Variants in TBL2 observed in about 807,000 individuals in gnomAD.
TBL2 encodes transducin beta like 2.
A neutral mutation model predicts 41.8 loss-of-function variants in TBL2; 33 were observed. That is an observed-to-expected ratio of 0.79 (90% confidence interval 0.60 to 1.06). The LOEUF (loss-of-function observed/expected upper bound fraction) is 1.06. Among genes scored for constraint, TBL2 ranks in the 50% least tolerant of loss-of-function variants. The probability of loss-of-function intolerance (pLI) is 0.00; values close to 1 mark genes in which losing one functional copy is unlikely to be tolerated. For missense variants in TBL2, 522 were observed against 603.8 expected (o/e 0.86, Z 1.42); for synonymous variants, 239 against 241.7 (o/e 0.99, Z 0.10).
At chr7:73,573,711 C>T (rs1216085449) in intron 3 of TBL2, 1 of 751,260 alleles carries the variant, frequency 1.3e-6, no homozygotes, top group African/African-American at 1.8e-5. Flanking sequence ...GAAGCCAGGC[C>T]AAGGTATTTC....
intron 1 of TBL2, among the ~76,000 whole-genome samples, chr7:73,576,190 A>G (rs1264022729): frequency 2.3e-5 from 3 of 129,000 alleles, no homozygotes; most frequent in African/African-American, 8.9e-5. Flanking sequence ...TGGGAGGCTG[A>G]GGCAGCTGCT....
chr7:73,575,771 C>T (rs1450102034), intron 1 of TBL2, among the ~76,000 whole-genome samples: 7 of 152,104 alleles, frequency 4.6e-5, no homozygotes, highest in South Asian at 2.1e-4. Flanking sequence ...GAACTGGGGG[C>T]GGTGGCTCAT....
intron 4 of TBL2, 159 bp downstream of exon 4, chr7:73,573,161 G>A: frequency 7.4e-7 from 1 of 1,352,338 alleles, no homozygotes; most frequent in Non-Finnish European, 1.0e-6. Context: ...TGTGGCCCAG[G>A]GACTCCAGGG....
At position 73,574,744 on chromosome 7, in the gene TBL2, GGCTGCAGTAA is replaced by G. The variant is rs1486762134; in HGVS notation, c.131-241_131-232del. 13 of 610,108 alleles carry G rather than the reference GGCTGCAGTAA, an allele frequency of 2.1e-5. No homozygotes were observed. In the East Asian group the frequency reaches 2.5e-4, roughly 12 times the overall value. The allele number at this position is 610,108 out of a possible 1,614,324, so 37.8% of individuals were successfully genotyped here. Reference sequence around the variant, plus strand: ...GGATCATTTGAGCCCAGGAGTTCGAGGCTGCAGTAAGCTATGATCACAACACTACTGCATT... The same window carrying G: ...GGATCATTTGAGCCCAGGAGTTCGAGGCTATGATCACAACACTACTGCATT... On this transcript the variant is annotated intron_variant, in intron 1 of 6. Coordinates refer to ENST00000305632, the MANE Select transcript of TBL2 (RefSeq NM_012453.4).
At chr7:73,574,356 G>A (rs1793161019) in intron 2 of TBL2, 27 bp downstream of exon 2, 1 of 1,612,126 alleles carries the variant, frequency 6.2e-7, no homozygotes, top group Non-Finnish European at 8.5e-7. Flanking sequence ...GTCTCAGGGT[G>A]CACGCTGTGC....
intron 1 of TBL2, chr7:73,576,536 A>G (rs1446459982): frequency 1.6e-5 from 7 of 451,552 alleles, no homozygotes; most frequent in African/African-American, 1.4e-4. Flanking sequence ...ACTGCACTCC[A>G]GTACCTGAAA....
Position 73,570,455 on chromosome 7 carries a change from T to C in TBL2, c.*52A>G, listed in dbSNP as rs1792850898. The C allele has an allele frequency of 1.4e-6, 2 of 1,442,920 alleles. No homozygotes were observed. The highest frequency in any genetic ancestry group is 1.5e-5 in the South Asian group (1 of 67,986). 89.4% of individuals were successfully genotyped at this position (1,442,920 alleles called of 1,614,324 possible). A position where few individuals can be genotyped will look rare whatever the true frequency, so the allele number is the denominator to read the frequency against. ...GGGAGGAAAGATGGCAGCAGTGCCATGAGGAGGCCAGATCCCTCCTCCTCA... is the reference window on the plus strand; with the variant it reads ...GGGAGGAAAGATGGCAGCAGTGCCACGAGGAGGCCAGATCCCTCCTCCTCA... On this transcript the variant is annotated 3_prime_UTR_variant, in exon 7 of 7. Transcript: ENST00000305632.
chr7:73,578,333 C>A (rs1554589421), intron 1 of TBL2, 87 bp downstream of exon 1: 3 of 1,536,348 alleles, frequency 2.0e-6, no homozygotes, highest in South Asian at 2.4e-5. Context: ...GCCCCACCAG[C>A]CGCGGGCCCA....
chr7:73,570,206 TTCTC>T lies in TBL2; in HGVS notation c.*297_*300del. On this transcript the variant is annotated 3_prime_UTR_variant, in exon 7 of 7. Transcript: ENST00000305632. ...TGCTGCCACAAGGCCAAAAATCACA[TTCTC>T]TCTCTCTCTCCTCTCCTCTCTACCA... 3 of 303,934 alleles carry T rather than the reference TTCTC, an allele frequency of 9.9e-6. No homozygotes were observed. Among genetic ancestry groups the T allele is most frequent in the Non-Finnish European group, 1.8e-5 (3 of 166,098 alleles). The allele number at this position is 303,934 out of a possible 1,614,324, so 18.8% of individuals were successfully genotyped here.
At position 73,567,798 on chromosome 7, in the gene TBL2, C is replaced by A. The variant is rs1202019010; in HGVS notation, c.*2709G>T. On this transcript the variant is annotated 3_prime_UTR_variant, in exon 7 of 7. Coordinates refer to ENST00000305632, the MANE Select transcript of TBL2 (RefSeq NM_012453.4). ...GTTTTCTCGTCTCACTGAAACACAA[C>A]ATGGCAAGGTGGGTAGCACAGGATT... Among the ~76,000 whole-genome samples the A allele has an allele frequency of 5.9e-5, 9 of 152,116 alleles. No homozygotes were observed. Among genetic ancestry groups the A allele is most frequent in the Admixed American group, 5.9e-4 (9 of 15,254 alleles).
At chr7:73,572,427 C>A (rs1479322973) in intron 5 of TBL2, among the ~76,000 whole-genome samples, 1 of 152,076 alleles carries the variant, frequency 6.6e-6, no homozygotes, top group African/African-American at 2.4e-5. Context: ...CCTGCCTGGG[C>A]GAGGGTGAAA....
rs1474462281 is a variant in TBL2, at chr7:73,575,611, T to C, written c.131-1098A>G. Reference sequence around the variant, plus strand: ...CCTGGCCCCAATTTTTTTGTTTTTTTAGTAGAGATGGGGTTTCACCATGTG... The same window carrying C: ...CCTGGCCCCAATTTTTTTGTTTTTTCAGTAGAGATGGGGTTTCACCATGTG... On this transcript the variant is annotated intron_variant, in intron 1 of 6. Coordinates refer to ENST00000305632, the MANE Select transcript of TBL2 (RefSeq NM_012453.4). Among the ~76,000 whole-genome samples, 5 of 152,284 alleles carry C rather than the reference T, an allele frequency of 3.3e-5. No homozygotes were observed. The South Asian group carries it at 8.3e-4, about 25-fold the overall frequency.
chr7:73,573,199 A>C (rs547468345), intron 4 of TBL2, 121 bp downstream of exon 4: 46 of 1,467,170 alleles, frequency 3.1e-5, no homozygotes, highest in Non-Finnish European at 4.0e-5. Flanking sequence ...GTTCAGAGCC[A>C]GGGACCCCTT....
At chr7:73,573,841 G>C in intron 3 of TBL2, 97 bp downstream of exon 3, 1 of 1,474,910 alleles carries the variant, frequency 6.8e-7, no homozygotes, top group South Asian at 1.3e-5. Flanking sequence ...GAGGCCCTGG[G>C]TCCAGGTCCC....
intron 1 of TBL2, among the ~76,000 whole-genome samples, chr7:73,575,228 C>A (rs1415713457): frequency 6.6e-6 from 1 of 151,540 alleles, no homozygotes; most frequent in Non-Finnish European, 1.5e-5. Flanking sequence ...CAGGTTCAAG[C>A]AATTCTTGTG....
At position 73,570,705 on chromosome 7, in the gene TBL2, G is replaced by A. The variant is rs1792876584; in HGVS notation, c.1146C>T (p.Asp382=). 2 of 1,614,196 alleles carry A rather than the reference G, an allele frequency of 1.2e-6. No individual in the cohort carries two copies. The highest frequency in any genetic ancestry group is 1.1e-5 in the South Asian group (1 of 91,092). Reference sequence around the variant, plus strand: ...AGGAGGCCAGAAAGCGGCCAGTGATGTCAAAGGACAAGTTGGCGATACACT... The same window carrying A: ...AGGAGGCCAGAAAGCGGCCAGTGATATCAAAGGACAAGTTGGCGATACACT... ...HGECIANLSF[D]ITGRFLASCG... The change falls in exon 7 of 7, where the codon GAC becomes GAT. Residue 382 remains aspartate, a synonymous_variant. Transcript: ENST00000305632.
At position 73,570,242 on chromosome 7, in the gene TBL2, T is replaced by C. The variant is rs1384804472; in HGVS notation, c.*265A>G. 1 of 451,074 alleles carries C rather than the reference T, an allele frequency of 2.2e-6. No individual in the cohort carries two copies. The highest frequency in any genetic ancestry group is 3.8e-6 in the Non-Finnish European group (1 of 261,288). 27.9% of individuals were successfully genotyped at this position (451,074 alleles called of 1,614,324 possible). A position where few individuals can be genotyped will look rare whatever the true frequency, so the allele number is the denominator to read the frequency against. On this transcript the variant is annotated 3_prime_UTR_variant, in exon 7 of 7. Transcript: ENST00000305632. ...TCTCCTCTCCTCTCTACCATTCTCC[T>C]CAGTGCCAGGTGGGGACAGATTCCA... is the stretch of plus-strand genomic sequence containing the variant.
In TBL2 at chr7:73,567,686, T is replaced by C. The variant is rs916214516; in HGVS notation, c.*2821A>G. Among the ~76,000 whole-genome samples, 1 of 152,178 alleles carries C rather than the reference T, an allele frequency of 6.6e-6. No homozygotes were observed. The highest frequency in any genetic ancestry group is 2.4e-5 in the African/African-American group (1 of 41,434). On this transcript the variant is annotated 3_prime_UTR_variant, in exon 7 of 7. Coordinates refer to ENST00000305632, the MANE Select transcript of TBL2 (RefSeq NM_012453.4). ...TGGTGGCCTCTGCTCTATGTTAATATCCAGACACCTTCTCTGTGGTTACAA... is the reference window on the plus strand; with the variant it reads ...TGGTGGCCTCTGCTCTATGTTAATACCCAGACACCTTCTCTGTGGTTACAA...
intron 1 of TBL2, among the ~76,000 whole-genome samples, chr7:73,577,264 C>CCCAAA (rs782149543): frequency 1.3e-4 from 13 of 98,110 alleles, no homozygotes; most frequent in Non-Finnish European, 3.8e-5. Context: ...CGTCCCCCTG[C>CCCAAA]AAAAAAAAAA....
Sources: allele counts gnomAD v4.1 joint callset (sites outside exome capture counted in the v4.1 genomes callset), GRCh38; gene constraint gnomAD v4.1.1; transcripts MANE v1.5; gene names NCBI Gene and HGNC (gene_info 2026-07-23, HGNC 2026-07-21).